The following ZNF131 variants were observed in gnomAD, a reference collection of about 807,000 sequenced individuals.
The protein encoded by ZNF131 is zinc finger protein 131.
In ZNF131, 7 loss-of-function variants were observed where a neutral mutation model predicts 60.0. That is an observed-to-expected ratio of 0.12 (90% CI 0.07 to 0.22). ZNF131 has a LOEUF of 0.22. Ranked by LOEUF, ZNF131 falls within the 10% of genes least tolerant of loss-of-function variation. The pLI, the probability that ZNF131 is intolerant of heterozygous loss-of-function variation, is 1.00. For missense variants in ZNF131, 493 were observed against 740.9 expected (o/e 0.67, Z 3.88); for synonymous variants, 257 against 253.2 (o/e 1.01, Z -0.14).
chr5:43,176,234 A>G lies in ZNF131; in HGVS notation c.*1101A>G, dbSNP rs1751556508. 1 of 152,232 alleles carries G rather than the reference A, an allele frequency of 6.6e-6. No individual in the cohort carries two copies. 9.4% of individuals were successfully genotyped at this position (152,232 alleles called of 1,614,324 possible). On this transcript the variant is annotated 3_prime_UTR_variant, in exon 7 of 7. Coordinates refer to ENST00000682664, the MANE Select transcript of ZNF131 (RefSeq NM_001330707.2). ...ATCAGTATTACTTGGAAAATAAAAT[A>G]TAACAAACCCATAGACCAATATGCT... is the stretch of plus-strand genomic sequence containing the variant.
intron 5 of ZNF131, among the ~76,000 whole-genome samples, chr5:43,164,851 C>G (rs1750152872): frequency 6.6e-6 from 1 of 152,196 alleles, no homozygotes; most frequent in Non-Finnish European, 1.5e-5. Flanking sequence ...AACAGTTGAG[C>G]ACATAAAGCA....
chr5:43,162,316 G>T (rs564086736), intron 5 of ZNF131, among the ~76,000 whole-genome samples: 13 of 152,284 alleles, frequency 8.5e-5, no homozygotes, highest in African/African-American at 2.9e-4. Flanking sequence ...TGACAGCCAG[G>T]CGCGGTGGCT....
At chr5:43,125,594 A>C (rs1744434378) in intron 3 of ZNF131, among the ~76,000 whole-genome samples, 1 of 151,902 alleles carries the variant, frequency 6.6e-6, no homozygotes, top group South Asian at 2.1e-4. Flanking sequence ...CAGCCTGACC[A>C]ACATGGTGAA....
At position 43,161,327 on chromosome 5, in the gene ZNF131, T is replaced by A. The variant is rs1411646427; in HGVS notation, c.450T>A (p.Thr150=). ...NEAKKRKIAE[T]SNVITESLPS... ...CCAAAAAAAGGAAGATTGCAGAAAC[T>A]TCAAATGTTATCACTGAGTCATTGC... is the stretch of plus-strand genomic sequence containing the variant. The change falls in exon 5 of 7, where the codon ACT becomes ACA. Residue 150 remains threonine (T), a synonymous_variant. Transcript: ENST00000682664. The A allele has an allele frequency of 3.1e-6, 5 of 1,614,166 alleles. No homozygotes were observed. The highest frequency in any genetic ancestry group is 4.2e-6 in the Non-Finnish European group (5 of 1,180,016).
rs553191311 is a variant in ZNF131 at position 43,157,767 on chromosome 5, C to A, written c.372-3482C>A. Among the ~76,000 whole-genome samples the A allele has an allele frequency of 2.0e-5, 3 of 152,320 alleles. No homozygotes were observed. The South Asian group carries it at 6.2e-4, about 32-fold the overall frequency. ...CATAGTGCCATGATCCCTCCCAAGA[C>A]ACTAAGGGGAGCATCGTTTTTGCCT... is the stretch of plus-strand genomic sequence containing the variant. On this transcript the variant is annotated intron_variant, in intron 4 of 6. Transcript: ENST00000682664.
chr5:43,155,483 A>G (rs545093697), intron 4 of ZNF131, among the ~76,000 whole-genome samples: 2 of 152,206 alleles, frequency 1.3e-5, no homozygotes, highest in Non-Finnish European at 2.9e-5. Flanking sequence ...CAGAAGCTCT[A>G]ATCTACAAAA....
intron 5 of ZNF131, among the ~76,000 whole-genome samples, chr5:43,167,073 G>A (rs1041612530): frequency 1.3e-5 from 2 of 152,192 alleles, no homozygotes; most frequent in African/African-American, 4.8e-5. Context: ...AGGGAGGGAA[G>A]AGAGAAAAGC....
At chr5:43,138,132 A>G (rs138492837) in intron 3 of ZNF131, among the ~76,000 whole-genome samples, 156 of 152,314 alleles carry the variant, frequency 1.0e-3, no homozygotes, top group African/African-American at 3.2e-3. Context: ...TAAAGTTTCA[A>G]TTGCGCAAGA....
intron 3 of ZNF131, among the ~76,000 whole-genome samples, chr5:43,137,547 A>T (rs77937420): frequency 6.6e-6 from 1 of 151,826 alleles, no homozygotes; most frequent in African/African-American, 2.4e-5. Flanking sequence ...ATGAGGTATC[A>T]GTCACTTCAC....
chr5:43,152,021 A>G (rs1748376540), intron 4 of ZNF131, among the ~76,000 whole-genome samples: 1 of 150,242 alleles, frequency 6.7e-6, no homozygotes. Flanking sequence ...TTATTTATTT[A>G]TTGAGATGGA....
chr5:43,157,689 A>G (rs1337802277), intron 4 of ZNF131, among the ~76,000 whole-genome samples: 3 of 152,222 alleles, frequency 2.0e-5, no homozygotes, highest in Non-Finnish European at 4.4e-5. Flanking sequence ...TTTAAACAAG[A>G]GAAATGTGTT....
chr5:43,135,406 C>CT (rs538700517), intron 3 of ZNF131, among the ~76,000 whole-genome samples: 38 of 152,148 alleles, frequency 2.5e-4, no homozygotes, highest in Non-Finnish European at 4.9e-4. Context: ...TAGGCTTAAC[C>CT]TTTCACCTCC....
At chr5:43,155,256 A>G (rs912275266) in intron 4 of ZNF131, among the ~76,000 whole-genome samples, 1 of 152,150 alleles carries the variant, frequency 6.6e-6, no homozygotes, top group African/African-American at 2.4e-5. Flanking sequence ...GGCATTTCTC[A>G]CCTTGTTAGT....
intron 3 of ZNF131, among the ~76,000 whole-genome samples, chr5:43,137,684 CT>C (rs761278484): frequency 5.3e-5 from 8 of 152,246 alleles, no homozygotes; most frequent in Non-Finnish European, 1.2e-4. Flanking sequence ...ATGAATGTTC[CT>C]TAAAAAATTA....
chr5:43,122,844 T>TC (rs1267980992), intron 2 of ZNF131, among the ~76,000 whole-genome samples: 19 of 152,364 alleles, frequency 1.2e-4, no homozygotes, highest in Non-Finnish European at 2.6e-4. Context: ...TTTTTTTCTC[T>TC]CTTTCCAAAT....
intron 3 of ZNF131, chr5:43,124,544 A>G (rs897827584): frequency 2.6e-5 from 4 of 152,190 alleles, no homozygotes; most frequent in South Asian, 2.1e-4. Context: ...TTTAATATCT[A>G]TAATCAGGAC....
chr5:43,149,798 A>G (rs1269654939), intron 4 of ZNF131, among the ~76,000 whole-genome samples: 2 of 145,462 alleles, frequency 1.4e-5, no homozygotes, highest in Non-Finnish European at 3.1e-5. Context: ...ATATTTTTTA[A>G]TCGGCTTTTT....
intron 4 of ZNF131, among the ~76,000 whole-genome samples, chr5:43,157,374 T>A (rs2111859712): frequency 6.6e-6 from 1 of 152,330 alleles, no homozygotes; most frequent in African/African-American, 2.4e-5. Flanking sequence ...TCCCTTCTTT[T>A]ACATTCATTG....
chr5:43,175,231 C>T lies in ZNF131; in HGVS notation c.*98C>T. 8.0e-7 allele frequency: 1 copy of T among 1,242,582 alleles called. No individual in the cohort carries two copies. The highest frequency in any genetic ancestry group is 1.5e-5 in the South Asian group (1 of 64,690). The allele number at this position is 1,242,582 out of a possible 1,614,324, so 77.0% of individuals were successfully genotyped here. On this transcript the variant is annotated 3_prime_UTR_variant, in exon 7 of 7. Coordinates refer to ENST00000682664, the MANE Select transcript of ZNF131 (RefSeq NM_001330707.2). ...TAATTAAGCCTAACAGACAAGTGGA[C>T]CAAAGTTAAGCTGTTTCCTGTTGTG...
Sources: allele counts gnomAD v4.1 joint callset (sites outside exome capture counted in the v4.1 genomes callset), GRCh38; gene constraint gnomAD v4.1.1; transcripts MANE v1.5; gene names NCBI Gene and HGNC (gene_info 2026-07-23, HGNC 2026-07-21).